The following JARID2 variants were observed in gnomAD, a reference collection of about 807,000 sequenced individuals.
The protein encoded by JARID2 is protein Jumonji.
Under a neutral mutation model 125.6 loss-of-function variants are expected in JARID2, and 21 were observed. The observed-to-expected ratio is 0.17, with a 90% CI of 0.12 to 0.24. The LOEUF (loss-of-function observed/expected upper bound fraction) is 0.24. Ranked by LOEUF, JARID2 falls within the 10% of genes least tolerant of loss-of-function variation. The pLI is 1.00. For synonymous variants in JARID2, 736 were observed against 661.6 expected (o/e 1.11, Z -1.73); for missense variants, 1,303 against 1,639.6 (o/e 0.79, Z 3.55).
intron 2 of JARID2, among the ~76,000 whole-genome samples, chr6:15,389,663 T>G (rs1764925865): frequency 6.6e-6 from 1 of 152,228 alleles, no homozygotes; most frequent in Admixed American, 6.5e-5. Flanking sequence ...TGGCACTTTC[T>G]GAATCCCTCT....
intron 1 of JARID2, among the ~76,000 whole-genome samples, chr6:15,331,525 A>G (rs1173627873): frequency 2.6e-5 from 4 of 152,160 alleles, no homozygotes; most frequent in Non-Finnish European, 5.9e-5. Flanking sequence ...AGAATGTAGA[A>G]CACAAAGAGT....
At chr6:15,277,476 T>C (rs1043536003) in intron 1 of JARID2, among the ~76,000 whole-genome samples, 2 of 152,128 alleles carry the variant, frequency 1.3e-5, no homozygotes, top group Admixed American at 6.5e-5. Context: ...CCCCAAGTTA[T>C]ACAGATGAGA....
At chr6:15,499,119 G>T (rs1031563004) in intron 7 of JARID2, among the ~76,000 whole-genome samples, 1 of 152,176 alleles carries the variant, frequency 6.6e-6, no homozygotes, top group Admixed American at 6.5e-5. Context: ...AGTCTAAGGC[G>T]TCTGACATTC....
chr6:15,479,750 G>A (rs980459803), intron 5 of JARID2, among the ~76,000 whole-genome samples: 2 of 152,212 alleles, frequency 1.3e-5, no homozygotes, highest in Admixed American at 6.5e-5. Context: ...TGAGCTGCTG[G>A]CTGGATGCAA....
intron 3 of JARID2, among the ~76,000 whole-genome samples, chr6:15,416,744 G>A (rs56126802): frequency 1.8e-4 from 28 of 151,616 alleles, no homozygotes; most frequent in African/African-American, 6.1e-4. Flanking sequence ...GAGGGAGAGG[G>A]GCTAACTTAT....
intron 3 of JARID2, among the ~76,000 whole-genome samples, chr6:15,411,766 C>G (rs1222082635): frequency 1.3e-5 from 2 of 152,248 alleles, no homozygotes; most frequent in Non-Finnish European, 2.9e-5. Flanking sequence ...CATCAACTTT[C>G]ATCTCCATTT....
intron 1 of JARID2, among the ~76,000 whole-genome samples, chr6:15,337,188 C>G (rs954948302): frequency 2.6e-5 from 4 of 152,138 alleles, no homozygotes; most frequent in Non-Finnish European, 4.4e-5. Flanking sequence ...ACCCCCAGAC[C>G]TTGTCTCTTC....
At chr6:15,451,871 A>G in intron 3 of JARID2, 135 bp from the exon 4 acceptor site, 1 of 854,212 alleles carries the variant, frequency 1.2e-6, no homozygotes, top group Non-Finnish European at 1.8e-6. Context: ...TGAGAGATAT[A>G]GAACCTTAAT....
At chr6:15,350,124 C>T (rs946525570) in intron 1 of JARID2, among the ~76,000 whole-genome samples, 1 of 152,066 alleles carries the variant, frequency 6.6e-6, no homozygotes, top group Non-Finnish European at 1.5e-5. Flanking sequence ...TAACACGCGG[C>T]TGGAATTTGG....
intron 2 of JARID2, among the ~76,000 whole-genome samples, chr6:15,401,463 A>C (rs1363961678): frequency 6.6e-6 from 1 of 152,206 alleles, no homozygotes; most frequent in Non-Finnish European, 1.5e-5. Context: ...AGCATTTAAA[A>C]ATAAATGTTT....
intron 5 of JARID2, among the ~76,000 whole-genome samples, chr6:15,486,353 CTT>C (rs1205166181): frequency 1.3e-5 from 2 of 152,234 alleles, no homozygotes; most frequent in Non-Finnish European, 1.5e-5. Context: ...TCCCTGTTCT[CTT>C]TTGAAGTCTC....
intron 2 of JARID2, among the ~76,000 whole-genome samples, chr6:15,377,180 A>G (rs1764387292): frequency 2.0e-5 from 3 of 152,184 alleles, no homozygotes; most frequent in Admixed American, 1.3e-4. Flanking sequence ...TGATAAAGGC[A>G]TATTGGAGAC....
At chr6:15,510,819 G>A (rs1170799728) in intron 12 of JARID2, among the ~76,000 whole-genome samples, 1 of 152,232 alleles carries the variant, frequency 6.6e-6, no homozygotes, top group East Asian at 1.9e-4. Flanking sequence ...AGAGGGCAGG[G>A]TTTACTGTTC....
chr6:15,390,604 T>G (rs1237322995), intron 2 of JARID2, among the ~76,000 whole-genome samples: 1 of 152,150 alleles, frequency 6.6e-6, no homozygotes. Flanking sequence ...TGTCCTTTTG[T>G]GGGGGTAGGC....
At chr6:15,384,977 C>T (rs1764730412) in intron 2 of JARID2, among the ~76,000 whole-genome samples, 1 of 152,226 alleles carries the variant, frequency 6.6e-6, no homozygotes. Context: ...GTTGCAGCCT[C>T]CCTGTGCTCG....
chr6:15,410,304 G>T lies in JARID2; in HGVS notation c.262G>T (p.Val88Leu). The T allele has an allele frequency of 6.2e-7, 1 of 1,614,144 alleles. No homozygotes were observed. Among genetic ancestry groups the T allele is most frequent in the Non-Finnish European group, 8.5e-7 (1 of 1,179,980 alleles). Residue 88 changes from valine (V) to leucine (L), a missense_variant, in exon 3 of 18, where the codon GTG becomes TTG. By Grantham distance (32) the Val-to-Leu change is conservative. Coordinates refer to ENST00000341776, the MANE Select transcript of JARID2 (RefSeq NM_004973.4). ...SENEKDDASQVSSTSNDVSSS... is the reference protein window; with the variant it reads ...SENEKDDASQLSSTSNDVSSS... The stretch of plus-strand genomic sequence containing the variant: ...GAATGAAAAGGACGATGCATCCCAA[G>T]TGTCCTCCACTAGCAACGATGTTAG...
intron 1 of JARID2, among the ~76,000 whole-genome samples, chr6:15,309,884 G>T (rs1761957491): frequency 6.6e-6 from 1 of 152,108 alleles, no homozygotes; most frequent in Admixed American, 6.6e-5. Context: ...TTTAGGAAGA[G>T]GGATGGATGC....
intron 1 of JARID2, among the ~76,000 whole-genome samples, chr6:15,336,380 T>C (rs1464303914): frequency 6.6e-6 from 1 of 152,274 alleles, no homozygotes. Flanking sequence ...TTTGTGGCTT[T>C]TCATGTTTTG....
At chr6:15,419,072 A>G (rs1766368372) in intron 3 of JARID2, among the ~76,000 whole-genome samples, 1 of 152,226 alleles carries the variant, frequency 6.6e-6, no homozygotes, top group Non-Finnish European at 1.5e-5. Context: ...GTTTTTACTC[A>G]TTCCTGTATC....
Sources: gnomAD v4.1 joint callset for allele counts (sites outside exome capture counted in the v4.1 genomes callset) on GRCh38, gnomAD v4.1.1 for gene constraint, MANE v1.5 for transcripts, NCBI Gene and HGNC (gene_info 2026-07-23, HGNC 2026-07-21) for gene names.